Variants in ATRNL1 observed in about 807,000 individuals in gnomAD.
ATRNL1 encodes attractin like 1.
In ATRNL1, 95 loss-of-function variants were observed where a neutral mutation model predicts 182.7. The observed-to-expected ratio is 0.52, with a 90% CI of 0.44 to 0.62. The LOEUF is 0.62. Among genes scored for constraint, ATRNL1 ranks in the 20% least tolerant of loss-of-function variants. ATRNL1 has a pLI of 0.00. For missense variants in ATRNL1, 1,471 were observed against 1,679.5 expected, an observed-to-expected ratio of 0.88 and a Z score of 2.17; for synonymous variants, 576 against 568.3, an observed-to-expected ratio of 1.01 and a Z score of -0.19.
At chr10:115,507,709 G>A (rs1850184619) in intron 24 of ATRNL1, among the ~76,000 whole-genome samples, 1 of 152,114 alleles carries the variant, frequency 6.6e-6, no homozygotes. Context: ...CTGGGAAATA[G>A]TAAGCACTTT....
In ATRNL1 at chr10:115,944,735, C is replaced by T. The variant is rs782748547; in HGVS notation, c.4096C>T (p.Arg1366Trp). The T allele has an allele frequency of 9.9e-6, 16 of 1,613,622 alleles. No individual in the cohort carries two copies. Among genetic ancestry groups the T allele is most frequent in the East Asian group, 6.7e-5 (3 of 44,862 alleles). ...TAGTAAAGATAAGACTTCTGGAGTC[C>T]GGAATCGAAAACACCTTTCAACACG... ...SDSKDKTSGV[R>W]NRKHLSTRQG... Residue 1366 changes from arginine (R) to tryptophan (W), a missense_variant, in exon 29 of 29, where the codon CGG becomes TGG. Arg to Trp is a moderately radical substitution (Grantham distance 101). Around this residue, in one of 3 missense-constraint regions of ATRNL1, gnomAD observed 437 missense variants for 506.0 expected, o/e 0.86. Transcript: ENST00000355044.
At chr10:115,503,044 G>T (rs533174339) in intron 24 of ATRNL1, among the ~76,000 whole-genome samples, 4 of 152,076 alleles carry the variant, frequency 2.6e-5, no homozygotes, top group African/African-American at 9.7e-5. Flanking sequence ...TGAAGATAAG[G>T]CTGTAACTGC....
chr10:115,751,294 T>A (rs2134120495), intron 27 of ATRNL1, among the ~76,000 whole-genome samples: 1 of 152,194 alleles, frequency 6.6e-6, no homozygotes, highest in African/African-American at 2.4e-5. Flanking sequence ...AATACAAATC[T>A]GCTGTCGCCC....
At chr10:115,317,841 A>G (rs1554930176) in intron 18 of ATRNL1, among the ~76,000 whole-genome samples, 1 of 152,212 alleles carries the variant, frequency 6.6e-6, no homozygotes, top group African/African-American at 2.4e-5. Context: ...TCATCTGCAA[A>G]CAAAGAAAAC....
intron 21 of ATRNL1, among the ~76,000 whole-genome samples, chr10:115,447,005 T>C (rs1554966811): frequency 6.6e-6 from 1 of 151,960 alleles, no homozygotes; most frequent in Non-Finnish European, 1.5e-5. Context: ...GGTTGATTTA[T>C]AGATACTTAC....
chr10:115,623,551 T>G (rs1459813618), intron 26 of ATRNL1, among the ~76,000 whole-genome samples: 1 of 152,056 alleles, frequency 6.6e-6, no homozygotes, highest in Non-Finnish European at 1.5e-5. Flanking sequence ...AAGCTGAACA[T>G]TAATGAGCTA....
chr10:115,818,188 T>A (rs1950211432), intron 27 of ATRNL1, among the ~76,000 whole-genome samples: 1 of 78,690 alleles, frequency 1.3e-5, no homozygotes, highest in African/African-American at 1.1e-4. Context: ...TGATTCCGTT[T>A]TTTTTTTTTT....
intron 8 of ATRNL1, among the ~76,000 whole-genome samples, chr10:115,188,047 GA>G (rs1444114752): frequency 1.4e-5 from 2 of 138,876 alleles, no homozygotes; most frequent in African/African-American, 2.6e-5. Flanking sequence ...GGGAGAGAGG[GA>G]GGGGGAGGGG....
chr10:115,330,570 T>A (rs782481591), intron 18 of ATRNL1, among the ~76,000 whole-genome samples: 9 of 152,006 alleles, frequency 5.9e-5, no homozygotes, highest in Non-Finnish European at 8.8e-5. Context: ...GGCAGGCAGT[T>A]TTGTTGTCTT....
At chr10:115,710,594 G>C (rs1565308068) in intron 26 of ATRNL1, among the ~76,000 whole-genome samples, 1 of 152,114 alleles carries the variant, frequency 6.6e-6, no homozygotes, top group African/African-American at 2.4e-5. Context: ...AAGACAGAGA[G>C]AATAGTAAGA....
At position 115,871,344 on chromosome 10, in the gene ATRNL1, C is replaced by CT. The variant is rs34110588; in HGVS notation, c.4018+23365dup. Among the ~76,000 whole-genome samples, 1,160 of 141,680 alleles carry CT rather than the reference C, an allele frequency of 8.2e-3. 11 individuals are homozygous for CT. Among genetic ancestry groups the CT allele is most frequent in the African/African-American group, 0.023 (883 of 38,960 alleles). 92.9% of individuals were successfully genotyped at this position (141,680 alleles called of 152,430 possible). A position where few individuals can be genotyped will look rare whatever the true frequency, so the allele number is the denominator to read the frequency against. On this transcript the variant is annotated intron_variant, in intron 28 of 28. Coordinates refer to ENST00000355044, the MANE Select transcript of ATRNL1 (RefSeq NM_207303.4). Reference sequence around the variant, plus strand: ...ACAAAAGGCATATTTCCTTTTAGGACTTTTTTTTTTTTGCCATAGCCTTTC... The same window carrying CT: ...ACAAAAGGCATATTTCCTTTTAGGACTTTTTTTTTTTTTGCCATAGCCTTTC...
chr10:115,219,334 G>A (rs1206162777), intron 9 of ATRNL1, among the ~76,000 whole-genome samples: 1 of 151,902 alleles, frequency 6.6e-6, no homozygotes, highest in South Asian at 2.1e-4. Context: ...GTACTTTAAT[G>A]TGGTTGATAA....
intron 26 of ATRNL1, among the ~76,000 whole-genome samples, chr10:115,609,508 A>G (rs1220305924): frequency 6.6e-6 from 1 of 152,212 alleles, no homozygotes; most frequent in Admixed American, 6.6e-5. Context: ...TGTTTTTATG[A>G]ATCACTATTT....
intron 24 of ATRNL1, among the ~76,000 whole-genome samples, chr10:115,514,052 C>T (rs1049328721): frequency 1.3e-5 from 2 of 151,906 alleles, no homozygotes; most frequent in Non-Finnish European, 2.9e-5. Flanking sequence ...TACACTTCAT[C>T]CCACCATTAA....
intron 5 of ATRNL1, among the ~76,000 whole-genome samples, chr10:115,157,242 A>G (rs1457706452): frequency 6.6e-6 from 1 of 152,088 alleles, no homozygotes; most frequent in Non-Finnish European, 1.5e-5. Flanking sequence ...AAAAATTTTA[A>G]AAAGTGGACT....
intron 9 of ATRNL1, among the ~76,000 whole-genome samples, chr10:115,223,929 A>ATATATATATATATATTTTTTTTT (rs1420143943): frequency 6.7e-5 from 3 of 44,714 alleles, no homozygotes; most frequent in African/African-American, 1.8e-4. Context: ...ATATATATAT[A>ATATATATATATATATTTTTTTTT]TTTTTTTTTT....
chr10:115,657,260 A>C (rs1860387378), intron 26 of ATRNL1, among the ~76,000 whole-genome samples: 1 of 152,202 alleles, frequency 6.6e-6, no homozygotes. Flanking sequence ...ATAACGATGT[A>C]GTTAGATGCT....
chr10:115,540,014 G>A (rs1052358625), intron 25 of ATRNL1, among the ~76,000 whole-genome samples: 21 of 151,486 alleles, frequency 1.4e-4, no homozygotes, highest in African/African-American at 5.1e-4. Flanking sequence ...AGCATTAGGA[G>A]ATATGCCTAA....
At chr10:115,369,303 T>G (rs1857258923) in intron 19 of ATRNL1, among the ~76,000 whole-genome samples, 2 of 58,364 alleles carry the variant, frequency 3.4e-5, no homozygotes, top group Admixed American at 2.4e-4. Flanking sequence ...TGGGGTTCTG[T>G]GAGGGGGAAG....
Sources: allele counts gnomAD v4.1 joint callset (sites outside exome capture counted in the v4.1 genomes callset), GRCh38; gene constraint gnomAD v4.1.1; regional missense constraint gnomAD v4.1.1; transcripts MANE v1.5; gene names NCBI Gene and HGNC (gene_info 2026-07-23, HGNC 2026-07-21).